The following ADGRF5 variants were observed in gnomAD, a reference collection of about 807,000 sequenced individuals.
ADGRF5 encodes the protein G-protein coupled receptor 116.
Under a neutral mutation model 132.3 loss-of-function variants are expected in ADGRF5, and 75 were observed. That is an observed-to-expected ratio of 0.57 (90% CI 0.47 to 0.69). The LOEUF is 0.69. Among genes scored for constraint, ADGRF5 ranks in the 30% least tolerant of loss-of-function variants. The pLI, the probability that ADGRF5 is intolerant of heterozygous loss-of-function variation, is 0.00. For missense variants in ADGRF5, 1,516 were observed against 1,630.6 expected, an observed-to-expected ratio of 0.93 and a Z score of 1.21; for synonymous variants, 629 against 597.6, an observed-to-expected ratio of 1.05 and a Z score of -0.77.
At chr6:46,878,605 C>CA (rs1772089293) in intron 9 of ADGRF5, among the ~76,000 whole-genome samples, 200 bp from the exon 10 acceptor site, 1 of 151,830 alleles carries the variant, frequency 6.6e-6, no homozygotes, top group Admixed American at 6.6e-5. Flanking sequence ...AAGTGGAGTA[C>CA]AGAGATGTTC....
In ADGRF5 at chr6:46,860,916, C is replaced by CA. The variant is rs748784606; in HGVS notation, c.2200-23dup. The CA allele has an allele frequency of 5.6e-4, 839 of 1,486,924 alleles. 2 individuals are homozygous for CA. Among genetic ancestry groups the CA allele is most frequent in the African/African-American group, 5.4e-3 (385 of 71,118 alleles). The allele number at this position is 1,486,924 out of a possible 1,614,324, so 92.1% of individuals were successfully genotyped here. A position where few individuals can be genotyped will look rare whatever the true frequency, so the allele number is the denominator to read the frequency against. On this transcript the variant is annotated intron_variant, in intron 15 of 20. Transcript: ENST00000283296. Reference sequence around the variant, plus strand: ...AAGCCTAGTAAAACAAAAGCCAACACAAAAAAAAATTTACCAATCAATTCA... The same window carrying CA: ...AAGCCTAGTAAAACAAAAGCCAACACAAAAAAAAAATTTACCAATCAATTCA...
At chr6:46,933,893 C>T (rs1436269346) in intron 1 of ADGRF5, among the ~76,000 whole-genome samples, 2 of 152,158 alleles carry the variant, frequency 1.3e-5, no homozygotes, top group Non-Finnish European at 2.9e-5. Context: ...AACAATTACA[C>T]GATTATTCCA....
At chr6:46,952,157 C>G (rs1778524338) in intron 1 of ADGRF5, among the ~76,000 whole-genome samples, 1 of 152,156 alleles carries the variant, frequency 6.6e-6, no homozygotes, top group Non-Finnish European at 1.5e-5. Flanking sequence ...AATGTGGGGC[C>G]CCAAAGCACA....
chr6:46,920,539 G>A (rs1396660930), intron 1 of ADGRF5, among the ~76,000 whole-genome samples: 1 of 126,388 alleles, frequency 7.9e-6, no homozygotes, highest in African/African-American at 2.8e-5. Flanking sequence ...GGGGGGGGAA[G>A]AGAGTGTATA....
chr6:46,884,072 G>A (rs753619266), intron 5 of ADGRF5, 23 bp downstream of exon 5: 4 of 1,598,620 alleles, frequency 2.5e-6, no homozygotes, highest in South Asian at 1.1e-5. Flanking sequence ...CACTCAACGA[G>A]CATTTAATGA....
intron 2 of ADGRF5, 106 bp from the exon 3 acceptor site, chr6:46,900,189 A>G (rs1774608746): frequency 2.4e-6 from 2 of 849,750 alleles, no homozygotes; most frequent in Non-Finnish European, 4.0e-6. Context: ...TTAAGGCTGC[A>G]GACTTTGGGT....
chr6:46,858,117 T>C lies in ADGRF5; in HGVS notation c.3774+12A>G, dbSNP rs1304881478. 13 of 1,597,614 alleles carry C rather than the reference T, an allele frequency of 8.1e-6. No homozygotes were observed. Among genetic ancestry groups the C allele is most frequent in the Non-Finnish European group, 1.1e-5 (13 of 1,169,362 alleles). On this transcript the variant is annotated intron_variant, in intron 17 of 20. Transcript: ENST00000283296. Reference sequence around the variant, plus strand: ...TAAAATCTTCCTGAAAGCTCCGCACTGTAAAACTCACCTGGAAGACATTGA... The same window carrying C: ...TAAAATCTTCCTGAAAGCTCCGCACCGTAAAACTCACCTGGAAGACATTGA...
chr6:46,870,837 G>A lies in ADGRF5; in HGVS notation c.1411+1006C>T, dbSNP rs188349070. 572 of 442,088 alleles carry A rather than the reference G, an allele frequency of 1.3e-3. 11 individuals are homozygous for A. Among genetic ancestry groups the A allele is most frequent in the African/African-American group, 0.011 (531 of 49,396 alleles). The allele number at this position is 442,088 out of a possible 1,614,324, so 27.4% of individuals were successfully genotyped here. On this transcript the variant is annotated intron_variant, in intron 11 of 20. Transcript: ENST00000283296. ...TAGTTTTACCTGAAAGCATTATTTC[G>A]CTAGAAGAGCTCATGAGTATTTTGA...
chr6:46,862,822 TGAG>T, intron 15 of ADGRF5, 63 bp downstream of exon 15: 3 of 1,024,770 alleles, frequency 2.9e-6, no homozygotes, highest in Non-Finnish European at 4.5e-6. Context: ...TCCTAAGTGC[TGAG>T]AAATATGATC....
chr6:46,863,118 A>C lies in ADGRF5; in HGVS notation c.1991-22T>G, dbSNP rs1769987880. On this transcript the variant is annotated intron_variant, in intron 14 of 20. Coordinates refer to ENST00000283296, the MANE Select transcript of ADGRF5 (RefSeq NM_001098518.2). ...TCCCCTGTGTTGGAAACATTGAAAT[A>C]AAGGGATAATTGCAAGGAAGAGACA... The C allele has an allele frequency of 2.6e-6, 4 of 1,557,490 alleles. No homozygotes were observed. In the African/African-American group the frequency reaches 4.1e-5, roughly 16 times the overall value.
intron 1 of ADGRF5, 133 bp downstream of exon 1, chr6:46,921,580 C>A: frequency 6.6e-6 from 1 of 152,322 alleles, no homozygotes. Context: ...ACATATCACA[C>A]CTACGCAAAA....
At position 46,867,081 on chromosome 6, in the gene ADGRF5, C is replaced by T. The variant is rs1409709152; in HGVS notation, c.1678G>A (p.Val560Ile). The T allele has an allele frequency of 9.9e-6, 16 of 1,613,588 alleles. No individual in the cohort carries two copies. The highest frequency in any genetic ancestry group is 1.7e-4 in the Middle Eastern group (1 of 6,060). ...KNSYSIATKDVIVHPLPLKLN... is the reference protein window; with the variant it reads ...KNSYSIATKDIIVHPLPLKLN... Reference sequence around the variant, plus strand: ...TTTAGAGGCAGCGGGTGAACAATGACGTCTTTGGTTGCAATACTGTATGAA... The same window carrying T: ...TTTAGAGGCAGCGGGTGAACAATGATGTCTTTGGTTGCAATACTGTATGAA... Residue 560 changes from valine to isoleucine, a missense_variant, in exon 13 of 21, where the codon GTC becomes ATC. By Grantham distance (29) the Val-to-Ile change is conservative. This residue lies in a region of ADGRF5 where 945 missense variants were observed against 929.4 expected (regional missense o/e 1.02). Transcript: ENST00000283296.
intron 1 of ADGRF5, among the ~76,000 whole-genome samples, chr6:46,912,652 A>G (rs982983167): frequency 6.6e-6 from 1 of 152,212 alleles, no homozygotes; most frequent in African/African-American, 2.4e-5. Context: ...GTTAAGAAAC[A>G]TGACAAAGCC....
chr6:46,888,174 C>T (rs1773251337), intron 4 of ADGRF5, among the ~76,000 whole-genome samples, 161 bp downstream of exon 4: 1 of 151,914 alleles, frequency 6.6e-6, no homozygotes, highest in Non-Finnish European at 1.5e-5. Flanking sequence ...CTGATAGAGG[C>T]TTCATTCAGG....
At chr6:46,939,381 G>A (rs1777971392) in intron 1 of ADGRF5, among the ~76,000 whole-genome samples, 1 of 152,146 alleles carries the variant, frequency 6.6e-6, no homozygotes, top group Non-Finnish European at 1.5e-5. Context: ...AAACAGGAGG[G>A]CACTGGTTTG....
At chr6:46,875,792 C>A (rs1771591401) in intron 10 of ADGRF5, among the ~76,000 whole-genome samples, 1 of 152,020 alleles carries the variant, frequency 6.6e-6, no homozygotes, top group Non-Finnish European at 1.5e-5. Context: ...AACAAACAAA[C>A]AAACAAAAAA....
chr6:46,876,880 C>CA (rs1358993359), intron 10 of ADGRF5, among the ~76,000 whole-genome samples: 1 of 142,986 alleles, frequency 7.0e-6, no homozygotes, highest in Non-Finnish European at 1.5e-5. Context: ...GCTGGGATTA[C>CA]AGGCGTGAGC....
At chr6:46,923,663 G>A (rs866603485), upstream of ADGRF5, among the ~76,000 whole-genome samples, 4 of 152,192 alleles carry the variant, frequency 2.6e-5, no homozygotes, top group African/African-American at 7.2e-5. Context: ...TGGAATGGGC[G>A]TTGTCAAAGT....
chr6:46,951,699 T>A (rs1278145100), intron 1 of ADGRF5, among the ~76,000 whole-genome samples: 1 of 152,216 alleles, frequency 6.6e-6, no homozygotes, highest in Non-Finnish European at 1.5e-5. Flanking sequence ...CAGGGACTGC[T>A]TAATGGAGGC....
Sources: gnomAD v4.1 joint callset for allele counts (sites outside exome capture counted in the v4.1 genomes callset) on GRCh38, gnomAD v4.1.1 for gene constraint, gnomAD v4.1.1 regional missense constraint, MANE v1.5 for transcripts, NCBI Gene and HGNC (gene_info 2026-07-23, HGNC 2026-07-21) for gene names.